The following DNAJC25 variants were observed in gnomAD, a reference collection of about 807,000 sequenced individuals.
DNAJC25 encodes the protein DnaJ heat shock protein family (Hsp40) member C25.
Under a neutral mutation model 42.1 loss-of-function variants are expected in DNAJC25, and 26 were observed. The observed-to-expected ratio is 0.62, with a 90% CI of 0.45 to 0.86. DNAJC25 has a LOEUF of 0.86. Ranked by LOEUF, DNAJC25 falls within the 40% of genes least tolerant of loss-of-function variation. The pLI is 0.00. For synonymous variants in DNAJC25, 189 were observed against 179.9 expected (o/e 1.05, Z -0.40); for missense variants, 404 against 459.4 (o/e 0.88, Z 1.10).
At chr9:111,631,975 A>G (rs1830290128) in intron 1 of DNAJC25, among the ~76,000 whole-genome samples, 1 of 152,342 alleles carries the variant, frequency 6.6e-6, no homozygotes, top group South Asian at 2.1e-4. Flanking sequence ...TTTTTGTGAC[A>G]TTGTTATGCA....
chr9:111,642,453 A>C (rs1009335390), intron 1 of DNAJC25, among the ~76,000 whole-genome samples: 147 of 140,472 alleles, frequency 1.0e-3, no homozygotes, highest in African/African-American at 3.9e-3. Flanking sequence ...ATCTCAAGTA[A>C]CCAGGGACAC....
chr9:111,649,262 C>T (rs1354088465), intron 2 of DNAJC25, among the ~76,000 whole-genome samples, 191 bp from the exon 3 acceptor site: 2 of 152,224 alleles, frequency 1.3e-5, no homozygotes, highest in African/African-American at 4.8e-5. Context: ...ACTTATCCAG[C>T]CTTCAGATCC....
intron 2 of DNAJC25, among the ~76,000 whole-genome samples, 164 bp from the exon 3 acceptor site, chr9:111,649,289 T>A (rs867719599): frequency 2.5e-4 from 38 of 152,304 alleles, no homozygotes; most frequent in African/African-American, 8.9e-4. Context: ...CGCATGGGCT[T>A]CGTTCAGTTG....
Position 111,631,747 on chromosome 9 carries a change from A to T in DNAJC25, c.336+4A>T. 1 of 1,512,202 alleles carries T rather than the reference A, an allele frequency of 6.6e-7. No individual in the cohort carries two copies. The highest frequency in any genetic ancestry group is 8.8e-7 in the Non-Finnish European group (1 of 1,136,302). 93.7% of individuals were successfully genotyped at this position (1,512,202 alleles called of 1,614,324 possible). On this transcript the variant is annotated splice_donor_region_variant and intron_variant, in intron 1 of 3. Coordinates refer to ENST00000313525, the MANE Select transcript of DNAJC25 (RefSeq NM_001015882.3). ...AACCGCCTACGAGACACTCAAGGTG[A>T]GGCCTGCGGGCGTGGAGGGGCTTCG... is the stretch of plus-strand genomic sequence containing the variant.
chr9:111,640,175 A>G (rs1420854899), intron 1 of DNAJC25, among the ~76,000 whole-genome samples: 1 of 151,214 alleles, frequency 6.6e-6, no homozygotes, highest in Non-Finnish European at 1.5e-5. Flanking sequence ...TGATCCGCCA[A>G]CCTCGGCCTC....
At chr9:111,636,871 A>G (rs916257008) in intron 1 of DNAJC25, among the ~76,000 whole-genome samples, 10 of 152,050 alleles carry the variant, frequency 6.6e-5, no homozygotes, top group Admixed American at 5.2e-4. Context: ...CACATTTACT[A>G]TTTCTGCTGT....
At chr9:111,641,840 C>T (rs1830476672) in intron 1 of DNAJC25, among the ~76,000 whole-genome samples, 2 of 131,508 alleles carry the variant, frequency 1.5e-5, no homozygotes, top group African/African-American at 6.0e-5. Context: ...GCCAGCCGCC[C>T]CGTCCGGGAG....
intron 1 of DNAJC25, among the ~76,000 whole-genome samples, chr9:111,646,759 T>TA (rs1037875050): frequency 8.6e-5 from 13 of 151,342 alleles, no homozygotes; most frequent in Admixed American, 4.6e-4. Context: ...AAATAAGCAT[T>TA]AAAAAAAAAT....
At chr9:111,641,162 A>G (rs867792968) in intron 1 of DNAJC25, among the ~76,000 whole-genome samples, 10,354 of 30,052 alleles carry the variant, frequency 0.34, 198 homozygotes, top group African/African-American at 0.48. Context: ...CAGCCGCCCC[A>G]TCCGGGAGGG....
At chr9:111,646,905 T>G in intron 1 of DNAJC25, 1 of 439,324 alleles carries the variant, frequency 2.3e-6, no homozygotes, top group South Asian at 6.2e-5. Context: ...ATTTTTGTTA[T>G]GCTTTTATAT....
rs968390000 is a variant in DNAJC25 at position 111,631,532 on chromosome 9, G to T, written c.125G>T (p.Gly42Val). Residue 42 changes from glycine (G) to valine (V), a missense_variant, in exon 1 of 4, where the codon GGG becomes GTG. By Grantham distance (109) the Gly-to-Val change is moderately radical. Transcript: ENST00000313525. Reference protein sequence around the residue: ...LVRPAGALVEGLYCGTRDCYE... With the variant: ...LVRPAGALVEVLYCGTRDCYE... Reference sequence around the variant, plus strand: ...CGGCCCGCGGGGGCCCTGGTGGAGGGGCTCTACTGCGGCACGCGGGACTGC... The same window carrying T: ...CGGCCCGCGGGGGCCCTGGTGGAGGTGCTCTACTGCGGCACGCGGGACTGC... 1.5e-6 allele frequency: 2 copies of T among 1,357,630 alleles called. No individual in the cohort carries two copies. Among genetic ancestry groups the T allele is most frequent in the Non-Finnish European group, 1.9e-6 (2 of 1,061,952 alleles). The allele number at this position is 1,357,630 out of a possible 1,614,324, so 84.1% of individuals were successfully genotyped here.
intron 3 of DNAJC25, 97 bp downstream of exon 3, chr9:111,650,020 T>A (rs1287650494): frequency 8.7e-7 from 1 of 1,149,822 alleles, no homozygotes; most frequent in Non-Finnish European, 1.2e-6. Flanking sequence ...TGCTCACATT[T>A]CTGAAATCCT....
At chr9:111,635,638 A>G (rs1327025072) in intron 1 of DNAJC25, among the ~76,000 whole-genome samples, 1 of 152,216 alleles carries the variant, frequency 6.6e-6, no homozygotes, top group Non-Finnish European at 1.5e-5. Context: ...ACTTAGAAAA[A>G]CTATGATTGG....
chr9:111,636,051 G>C (rs1830357796), intron 1 of DNAJC25, among the ~76,000 whole-genome samples: 1 of 152,076 alleles, frequency 6.6e-6, no homozygotes, highest in Non-Finnish European at 1.5e-5. Context: ...TAATAACAAG[G>C]GAAACAGATA....
At chr9:111,639,064 C>T (rs1406160189) in intron 1 of DNAJC25, among the ~76,000 whole-genome samples, 1 of 152,148 alleles carries the variant, frequency 6.6e-6, no homozygotes, top group East Asian at 1.9e-4. Flanking sequence ...TTTCCGAGAT[C>T]CAGCCCCCAT....
chr9:111,633,605 T>A (rs145541534), intron 1 of DNAJC25, among the ~76,000 whole-genome samples: 554 of 152,294 alleles, frequency 3.6e-3, no homozygotes, highest in Non-Finnish European at 5.5e-3. Context: ...CTGCCAGCTG[T>A]TGCCTTCTGC....
chr9:111,635,952 T>TA (rs1190839113), intron 1 of DNAJC25, among the ~76,000 whole-genome samples: 1 of 152,206 alleles, frequency 6.6e-6, no homozygotes, highest in Admixed American at 6.5e-5. Context: ...TATATTCTCT[T>TA]ACTCAACCCC....
chr9:111,652,696 C>G (rs1830681625), intron 3 of DNAJC25, among the ~76,000 whole-genome samples: 1 of 151,682 alleles, frequency 6.6e-6, no homozygotes, highest in Non-Finnish European at 1.5e-5. Context: ...CATGTGCCAC[C>G]ACGCCCAGCT....
In DNAJC25 at chr9:111,649,744, G is replaced by T; in HGVS notation, c.781G>T (p.Val261Phe). ...TCCTTTTCACCTATGCTCATATATA[G>T]TTTGGTATTGTCGGTGGATCTATAA... is the stretch of plus-strand genomic sequence containing the variant. ...LAPFHLCSYI[V>F]WYCRWIYNFN... The change falls in exon 3 of 4, where the codon GTT becomes TTT. Residue 261 changes from valine to phenylalanine, a missense_variant. Physicochemically the swap from Val to Phe is conservative, Grantham distance 50 (BLOSUM62 -1). Transcript: ENST00000313525. The T allele has an allele frequency of 6.2e-7, 1 of 1,614,034 alleles. No homozygotes were observed. Among genetic ancestry groups the T allele is most frequent in the Non-Finnish European group, 8.5e-7 (1 of 1,180,022 alleles).
Sources: gnomAD v4.1 joint callset for allele counts (sites outside exome capture counted in the v4.1 genomes callset) on GRCh38, gnomAD v4.1.1 for gene constraint, MANE v1.5 for transcripts, NCBI Gene and HGNC (gene_info 2026-07-23, HGNC 2026-07-21) for gene names.